Variants in LAP3 observed in about 807,000 individuals in gnomAD.
LAP3 encodes the protein leucine aminopeptidase 3, also known as cytosol aminopeptidase.
A neutral mutation model predicts 58.8 loss-of-function variants in LAP3; 46 were observed. The observed-to-expected ratio is 0.78, with a 90% CI of 0.62 to 1.00. LAP3 has a LOEUF of 1.00. Ranked by LOEUF, LAP3 falls within the 50% of genes least tolerant of loss-of-function variation. The pLI, the probability that LAP3 is intolerant of heterozygous loss-of-function variation, is 0.00. For missense variants in LAP3, 615 were observed against 659.1 expected (o/e 0.93, Z 0.73); for synonymous variants, 257 against 237.7 (o/e 1.08, Z -0.75).
chr4:17,580,184 A>ATGTATATATATATATATATATGTATT (rs548745392), intron 2 of LAP3, among the ~76,000 whole-genome samples: 1 of 40,224 alleles, frequency 2.5e-5, no homozygotes, highest in African/African-American at 1.3e-4. Flanking sequence ...ATATATATGT[A>ATGTATATATATATATATATATGTATT]TTTTTTTTTT....
intron 6 of LAP3, among the ~76,000 whole-genome samples, chr4:17,586,406 G>A (rs977204409): frequency 6.6e-6 from 1 of 152,182 alleles, no homozygotes; most frequent in Non-Finnish European, 1.5e-5. Flanking sequence ...AGAAAGCACA[G>A]TACTTAGAGC....
chr4:17,582,531 G>T (rs1231651224), intron 4 of LAP3, 138 bp downstream of exon 4: 1 of 655,778 alleles, frequency 1.5e-6, no homozygotes, highest in Non-Finnish European at 2.7e-6. Flanking sequence ...CAAAAATTCA[G>T]TTCCTCTTGC....
chr4:17,597,186 CG>C (rs770324215), intron 9 of LAP3, 52 bp downstream of exon 9: 1 of 1,466,220 alleles, frequency 6.8e-7, no homozygotes, highest in Non-Finnish European at 9.6e-7. Context: ...TCAGGAATCC[CG>C]TGGTGGCCAC....
At position 17,581,745 on chromosome 4, in the gene LAP3, T is replaced by A; in HGVS notation, c.219-15T>A. 1.2e-6 allele frequency: 2 copies of A among 1,610,808 alleles called. No individual in the cohort carries two copies. Among genetic ancestry groups the A allele is most frequent in the Non-Finnish European group, 1.7e-6 (2 of 1,177,430 alleles). On this transcript the variant is annotated splice_polypyrimidine_tract_variant and intron_variant, in intron 2 of 12. Transcript: ENST00000226299. ...AAAATACTTGTTTTAAAACGACTAT[T>A]TCCTCTTGTTTTAGATCTGGACCAC...
chr4:17,596,152 A>G (rs188088909), intron 8 of LAP3, among the ~76,000 whole-genome samples: 7 of 152,226 alleles, frequency 4.6e-5, no homozygotes, highest in African/African-American at 1.7e-4. Context: ...CTTCACTATC[A>G]TAGTCCTTTT....
chr4:17,583,371 G>A, intron 4 of LAP3, 112 bp from the exon 5 acceptor site: 2 of 1,133,750 alleles, frequency 1.8e-6, no homozygotes, highest in East Asian at 4.7e-5. Flanking sequence ...TATCAGGGCT[G>A]GGATTTGAAC....
Position 17,583,541 on chromosome 4 carries a change from A to C in LAP3, c.438A>C (p.Gly146=), listed in dbSNP as rs896536130. The change falls in exon 5 of 13, where the codon GGA becomes GGC. Residue 146 remains glycine (G), a synonymous_variant. Transcript: ENST00000226299. ...ELSSVEVDPC[G]DAQAAAEGAV... is the part of the protein sequence containing the mutation. ...CGTCTGTGGAGGTGGATCCCTGTGGAGACGCTCAGGCTGCTGCGGAGGGAG... is the reference window on the plus strand; with the variant it reads ...CGTCTGTGGAGGTGGATCCCTGTGGCGACGCTCAGGCTGCTGCGGAGGGAG... The C allele has an allele frequency of 5.0e-6, 8 of 1,614,020 alleles. No homozygotes were observed. The African/African-American group carries it at 1.1e-4, about 22-fold the overall frequency.
chr4:17,581,865 A>G, intron 3 of LAP3, 51 bp downstream of exon 3: 1 of 1,403,920 alleles, frequency 7.1e-7, no homozygotes. Context: ...CATCTACTGT[A>G]CACCAAGTAT....
chr4:17,577,253 T>TGCGGGCGCACAC lies in LAP3; in HGVS notation c.-212_-211insCGGGCGCACACG. 2.8e-5 allele frequency: 4 copies of TGCGGGCGCACAC among 142,738 alleles called. No individual in the cohort carries two copies. The highest frequency in any genetic ancestry group is 2.5e-4 in the South Asian group (2 of 8,066). 8.8% of individuals were successfully genotyped at this position (142,738 alleles called of 1,614,324 possible). On this transcript the variant is annotated 5_prime_UTR_variant, in exon 1 of 13. The change abolishes the stop of an existing upstream ORF in the 5' untranslated region. Transcript: ENST00000226299. ...GCGCACACGAATGCGGGCGCACCCT[T>TGCGGGCGCACAC]GAGTCCCCTCCACAACCGCGGTTTG...
In LAP3 at chr4:17,583,687, T is replaced by C. The variant is rs1485060794; in HGVS notation, c.539+45T>C. The stretch of plus-strand genomic sequence containing the variant: ...AGGAGGGTGGTGCTCCCTGGCGTTC[T>C]GACAGCCTGGCTTTTGGGATATGAG... On this transcript the variant is annotated intron_variant, in intron 5 of 12. Coordinates refer to ENST00000226299, the MANE Select transcript of LAP3 (RefSeq NM_015907.3). 8 of 1,609,000 alleles carry C rather than the reference T, an allele frequency of 5.0e-6. No homozygotes were observed. The African/African-American group carries it at 5.3e-5, about 11-fold the overall frequency.
chr4:17,598,517 C>G lies in LAP3; in HGVS notation c.1139C>G (p.Thr380Arg). Reference protein sequence around the residue: ...ILADALCYAHTFNPKVILNAA... With the variant: ...ILADALCYAHRFNPKVILNAA... ...GCTGATGCGCTCTGTTACGCACACACGTTTAACCCGAAGGTCATCCTCAAT... is the reference window on the plus strand; with the variant it reads ...GCTGATGCGCTCTGTTACGCACACAGGTTTAACCCGAAGGTCATCCTCAAT... The change falls in exon 10 of 13, where the codon ACG (threonine) becomes AGG (arginine). Residue 380 changes from threonine to arginine, a missense_variant. Physicochemically the swap from Thr to Arg is moderately conservative, Grantham distance 71. Transcript: ENST00000226299. The G allele has an allele frequency of 6.2e-7, 1 of 1,614,108 alleles. No individual in the cohort carries two copies. The highest frequency in any genetic ancestry group is 8.5e-7 in the Non-Finnish European group (1 of 1,179,984).
At chr4:17,586,740 C>A (rs1298066732) in intron 6 of LAP3, among the ~76,000 whole-genome samples, 1 of 152,094 alleles carries the variant, frequency 6.6e-6, no homozygotes, top group Non-Finnish European at 1.5e-5. Flanking sequence ...GAGGGTCTGT[C>A]AAGTCCAGAA....
intron 6 of LAP3, among the ~76,000 whole-genome samples, chr4:17,588,367 A>T (rs1476802593): frequency 6.6e-6 from 1 of 151,734 alleles, no homozygotes; most frequent in Non-Finnish European, 1.5e-5. Context: ...CTGGTTTCAA[A>T]CTCCTGAGCT....
chr4:17,597,919 A>C (rs79386687), intron 9 of LAP3, among the ~76,000 whole-genome samples: 2,934 of 152,250 alleles, frequency 0.019, 86 homozygotes, highest in African/African-American at 0.066. Context: ...CCTCTATTTA[A>C]AAGAAAGGAA....
rs759166510 is a variant in LAP3, at chr4:17,577,421, TC to T, written c.-43del. On this transcript the variant is annotated 5_prime_UTR_variant, in exon 1 of 13. Coordinates refer to ENST00000226299, the MANE Select transcript of LAP3 (RefSeq NM_015907.3). ...CCCAAGGCGCGCCCGCCCACCGCTC[TC>T]CACGTGCTCGCTGGAGGGCGGTGCG... is the stretch of plus-strand genomic sequence containing the variant. The T allele has an allele frequency of 1.8e-5, 26 of 1,455,910 alleles. No homozygotes were observed. The highest frequency in any genetic ancestry group is 2.8e-5 in the East Asian group (1 of 35,530). The allele number at this position is 1,455,910 out of a possible 1,614,324, so 90.2% of individuals were successfully genotyped here.
intron 1 of LAP3, among the ~76,000 whole-genome samples, chr4:17,578,554 C>T (rs370595736): frequency 0.014 from 1,996 of 146,614 alleles, 42 homozygotes; most frequent in South Asian, 0.043. Flanking sequence ...CCACACCACA[C>T]AGGAGCTCCT....
rs983144291 is a variant in LAP3, at chr4:17,607,468, T to G, written c.1439T>G (p.Leu480Ter). ...GTAACTCATCCTAAGTGGGCACATT[T>G]AGACATAGCAGGCGTGATGACCAAC... ...EFVTHPKWAHLDIAGVMTNKD... is the reference protein window; with the variant it reads ...EFVTHPKWAH Residue 480 changes from leucine to a stop codon, truncating the protein, a stop_gained, in exon 13 of 13, where the codon TTA becomes TGA. Coordinates refer to ENST00000226299, the MANE Select transcript of LAP3 (RefSeq NM_015907.3). LOFTEE classifies it high-confidence loss of function. 1 of 1,614,132 alleles carries G rather than the reference T, an allele frequency of 6.2e-7. No homozygotes were observed. Among genetic ancestry groups the G allele is most frequent in the African/African-American group, 1.3e-5 (1 of 75,050 alleles).
intron 10 of LAP3, among the ~76,000 whole-genome samples, chr4:17,600,957 C>G (rs1713969641): frequency 6.6e-6 from 1 of 152,164 alleles, no homozygotes; most frequent in Non-Finnish European, 1.5e-5. Flanking sequence ...TGTCCATGGC[C>G]CAGTACATCA....
At chr4:17,584,062 G>C (rs992024228) in intron 5 of LAP3, among the ~76,000 whole-genome samples, 1 of 152,254 alleles carries the variant, frequency 6.6e-6, no homozygotes, top group Non-Finnish European at 1.5e-5. Flanking sequence ...TTGTGGGCTA[G>C]TGGGGTCCCT....
Sources: gnomAD v4.1 joint callset for allele counts (sites outside exome capture counted in the v4.1 genomes callset) on GRCh38, gnomAD v4.1.1 for gene constraint, MANE v1.5 for transcripts, NCBI Gene and HGNC (gene_info 2026-07-23, HGNC 2026-07-21) for gene names.